Variants in GRK7 observed in about 807,000 individuals in gnomAD.
GRK7 encodes G protein-coupled receptor kinase 7.
Under a neutral mutation model 34.1 loss-of-function variants are expected in GRK7, and 24 were observed. The observed-to-expected ratio is 0.70, with a 90% confidence interval of 0.51 to 0.99. GRK7 has a LOEUF of 0.99. Among genes scored for constraint, GRK7 ranks in the 50% least tolerant of loss-of-function variants. The pLI is 0.00. For missense variants in GRK7, 644 were observed against 707.3 expected (o/e 0.91, Z 1.02); for synonymous variants, 256 against 279.4 (o/e 0.92, Z 0.84).
At chr3:141,786,797 A>G (rs2084698661) in intron 4 of GRK7, among the ~76,000 whole-genome samples, 2 of 151,710 alleles carry the variant, frequency 1.3e-5, no homozygotes, top group African/African-American at 2.4e-5. Flanking sequence ...AAAAGTTACT[A>G]GTTAGTTGAC....
At chr3:141,750,004 G>A in the GRK7 span, among the ~76,000 whole-genome samples, 11 of 149,778 alleles carry the variant, frequency 7.3e-5, no homozygotes, top group African/African-American at 2.7e-4. Flanking sequence ...GCGACAGAGC[G>A]AGACTCCGTC....
upstream of GRK7, among the ~76,000 whole-genome samples, chr3:141,761,989 G>GT (rs1278527540): frequency 4.6e-5 from 6 of 129,470 alleles, no homozygotes; most frequent in African/African-American, 1.9e-4. Flanking sequence ...GCACTTCTCT[G>GT]TATTGGTTAT....
chr3:141,807,476 A>G (rs949717787), intron 4 of GRK7, among the ~76,000 whole-genome samples, 169 bp from the exon 5 acceptor site: 1 of 152,234 alleles, frequency 6.6e-6, no homozygotes, highest in African/African-American at 2.4e-5. Flanking sequence ...CTGCCGGGAA[A>G]GCAGCACAAA....
At chr3:141,770,767 G>A (rs892120320) in intron 1 of GRK7, among the ~76,000 whole-genome samples, 5 of 152,120 alleles carry the variant, frequency 3.3e-5, no homozygotes, top group Admixed American at 3.3e-4. Flanking sequence ...CGTTGGTGAG[G>A]ATGTTGAGAA....
chr3:141,815,838 A>T (rs1711147074), intron 5 of GRK7, among the ~76,000 whole-genome samples: 1 of 151,878 alleles, frequency 6.6e-6, no homozygotes, highest in South Asian at 2.1e-4. Flanking sequence ...GTGAGCTTGG[A>T]AGCAAATCCC....
rs1030488430 is a variant in GRK7 at position 141,763,578 on chromosome 3, C to T, written c.-2375C>T. On this transcript the variant is annotated 5_prime_UTR_variant, in exon 1 of 6. Transcript: ENST00000682958. ...TAGCCCAGTGGAAGCTGCAGGATCC[C>T]GGATCCAGATCCAGTGTGCGTGGCA... Among the ~76,000 whole-genome samples the T allele has an allele frequency of 1.3e-5, 2 of 152,142 alleles. No homozygotes were observed. Among genetic ancestry groups the T allele is most frequent in the Non-Finnish European group, 2.9e-5 (2 of 68,036 alleles).
intron 1 of GRK7, among the ~76,000 whole-genome samples, chr3:141,770,943 C>T (rs143772266): frequency 1.6e-3 from 239 of 149,162 alleles, no homozygotes; most frequent in Middle Eastern, 3.4e-3. Flanking sequence ...TGCACTAAGC[C>T]GTGATCACAC....
Position 141,764,603 on chromosome 3 carries a change from G to T in GRK7, c.-1350G>T, listed in dbSNP as rs117052694. Among the ~76,000 whole-genome samples the T allele has an allele frequency of 0.011, 1,618 of 152,066 alleles. 29 individuals carry two copies. Among genetic ancestry groups the T allele is most frequent in the East Asian group, 0.07 (363 of 5,160 alleles). On this transcript the variant is annotated 5_prime_UTR_variant, in exon 1 of 6. Coordinates refer to ENST00000682958, the MANE Select transcript of GRK7 (RefSeq NM_139209.3). Reference sequence around the variant, plus strand: ...TAGGGCTCAGTCCTTAGATTTCTCTGCCCTCACCCCAGAGTGATCACACCC... The same window carrying T: ...TAGGGCTCAGTCCTTAGATTTCTCTTCCCTCACCCCAGAGTGATCACACCC...
intron 5 of GRK7, among the ~76,000 whole-genome samples, chr3:141,813,150 G>A (rs973319050): frequency 2.6e-5 from 4 of 152,034 alleles, no homozygotes; most frequent in Non-Finnish European, 5.9e-5. Context: ...TTTTATGAGA[G>A]AGTCTTGCTC....
rs903234363 is a variant in GRK7, at chr3:141,765,281, A to G, written c.-672A>G. On this transcript the variant is annotated 5_prime_UTR_variant, in exon 1 of 6. An upstream start codon of the reference 5' UTR is lost. Transcript: ENST00000682958. ...AAGTGCTCTACCCTCAGGCAGTCAC[A>G]TGGCTCACGCCCTTACCTTCAGGAG... Among the ~76,000 whole-genome samples, 6 of 152,154 alleles carry G rather than the reference A, an allele frequency of 3.9e-5. No homozygotes were observed. Among genetic ancestry groups the G allele is most frequent in the African/African-American group, 1.4e-4 (6 of 41,436 alleles).
chr3:141,812,100 A>T (rs1711098540), intron 5 of GRK7, among the ~76,000 whole-genome samples: 1 of 152,254 alleles, frequency 6.6e-6, no homozygotes, highest in Non-Finnish European at 1.5e-5. Flanking sequence ...TTGGCAGACC[A>T]AATTCCCTTG....
intron 2 of GRK7, among the ~76,000 whole-genome samples, chr3:141,777,491 A>ATTTTTTTTTTTT (rs530806848): frequency 4.0e-4 from 32 of 80,554 alleles, no homozygotes; most frequent in African/African-American, 1.4e-3. Flanking sequence ...AGCCCGGCTA[A>ATTTTTTTTTTTT]TTTTTTTTTT....
At chr3:141,803,267 A>G (rs1710989511) in intron 4 of GRK7, among the ~76,000 whole-genome samples, 1 of 16,042 alleles carries the variant, frequency 6.2e-5, no homozygotes. Flanking sequence ...TCTCTACTGA[A>G]AAAAAAAAAA....
chr3:141,762,848 G>A (rs1054063326), upstream of GRK7, among the ~76,000 whole-genome samples: 7 of 152,322 alleles, frequency 4.6e-5, no homozygotes, highest in Non-Finnish European at 7.3e-5. Context: ...TCTTTAAGCC[G>A]GTCTGAAAAG....
chr3:141,785,471 T>C (rs1046769298), intron 4 of GRK7, among the ~76,000 whole-genome samples: 12 of 152,242 alleles, frequency 7.9e-5, no homozygotes, highest in East Asian at 3.9e-4. Flanking sequence ...AAAATTTTTT[T>C]GTTTTGTTTT....
chr3:141,781,738 A>G (rs936139938), intron 4 of GRK7, among the ~76,000 whole-genome samples: 3 of 152,184 alleles, frequency 2.0e-5, no homozygotes, highest in Non-Finnish European at 2.9e-5. Flanking sequence ...ACTGATGTTT[A>G]TTTTAATCAG....
intron 4 of GRK7, among the ~76,000 whole-genome samples, chr3:141,803,944 C>A (rs1710997889): frequency 6.6e-6 from 1 of 152,128 alleles, no homozygotes. Context: ...CTCCTGATCT[C>A]ATGATCCGCC....
Position 141,792,730 on chromosome 3 carries a change from A to G in GRK7, c.1050+11919A>G, listed in dbSNP as rs553842910. Reference sequence around the variant, plus strand: ...ATCCCATTTTCTGGCATACAACTCCAAATCTTCAAAGTGAAAAGCATCTTT... The same window carrying G: ...ATCCCATTTTCTGGCATACAACTCCGAATCTTCAAAGTGAAAAGCATCTTT... On this transcript the variant is annotated intron_variant, in intron 4 of 5. Transcript: ENST00000682958. Among the ~76,000 whole-genome samples the G allele has an allele frequency of 9.8e-5, 15 of 152,330 alleles. 1 individual carries two copies. The highest frequency in any genetic ancestry group is 3.6e-4 in the African/African-American group (15 of 41,576).
chr3:141,795,122 C>A (rs1165051740), intron 4 of GRK7, among the ~76,000 whole-genome samples: 2 of 152,116 alleles, frequency 1.3e-5, no homozygotes, highest in African/African-American at 2.4e-5. Flanking sequence ...GGGGAAGGGA[C>A]AACCAAGCTA....
Sources: allele counts gnomAD v4.1 joint callset (sites outside exome capture counted in the v4.1 genomes callset), GRCh38; gene constraint gnomAD v4.1.1; transcripts MANE v1.5; gene names NCBI Gene and HGNC (gene_info 2026-07-23, HGNC 2026-07-21).